TSHZ2: variants seen among roughly 807,000 people sequenced by gnomAD.
The protein encoded by TSHZ2 is teashirt zinc finger homeobox 2.
TSHZ2 carries 21 observed loss-of-function variants against 74.4 expected under a neutral mutation model. The observed-to-expected ratio is 0.28, with a 90% CI of 0.20 to 0.41. The LOEUF (loss-of-function observed/expected upper bound fraction) is 0.41, where lower values mean the gene tolerates loss of function less well. TSHZ2 is among the 10% of genes least tolerant of loss of function. The pLI is 1.00. For synonymous variants in TSHZ2, 540 were observed against 515.3 expected (o/e 1.05, Z -0.65); for missense variants, 1,244 against 1,293.5 (o/e 0.96, Z 0.59).
chr20:53,123,993 A>G (rs532071920), intron 1 of TSHZ2, among the ~76,000 whole-genome samples: 2 of 152,272 alleles, frequency 1.3e-5, no homozygotes, highest in South Asian at 4.2e-4. Flanking sequence ...TTGATAGAGA[A>G]AGCAAACTTC....
At chr20:53,273,795 AG>A (rs1327773564) in intron 2 of TSHZ2, among the ~76,000 whole-genome samples, 1 of 152,118 alleles carries the variant, frequency 6.6e-6, no homozygotes, top group African/African-American at 2.4e-5. Context: ...TTGCCTAGGG[AG>A]GAGAAGGGAC....
intron 1 of TSHZ2, among the ~76,000 whole-genome samples, chr20:53,045,524 C>T (rs756035201): frequency 5.9e-5 from 9 of 152,316 alleles, no homozygotes; most frequent in Non-Finnish European, 8.8e-5. Context: ...TCCGTTTAGA[C>T]GAGACATTTC....
intron 2 of TSHZ2, among the ~76,000 whole-genome samples, chr20:53,466,812 T>TTTATC (rs532126852): frequency 4.5e-4 from 68 of 152,354 alleles, no homozygotes; most frequent in South Asian, 3.7e-3. Flanking sequence ...ACCCTTTTAA[T>TTTATC]TTATCTTTTG....
chr20:53,362,319 G>A (rs1429418711), intron 2 of TSHZ2, among the ~76,000 whole-genome samples: 1 of 152,028 alleles, frequency 6.6e-6, no homozygotes, highest in African/African-American at 2.4e-5. Flanking sequence ...AGAGTAGCTG[G>A]GACTACAGAC....
intron 1 of TSHZ2, 41 bp downstream of exon 1, chr20:52,973,374 G>A: frequency 6.5e-7 from 1 of 1,548,458 alleles, no homozygotes; most frequent in Non-Finnish European, 8.7e-7. Flanking sequence ...CCTGTGCGCC[G>A]AGCTCCTCGC....
intron 1 of TSHZ2, among the ~76,000 whole-genome samples, chr20:53,076,276 G>A (rs1985361537): frequency 6.6e-6 from 1 of 152,222 alleles, no homozygotes; most frequent in African/African-American, 2.4e-5. Flanking sequence ...ATGGAGACAG[G>A]AAGGAAGGGT....
At chr20:52,987,025 G>T (rs955778070) in intron 1 of TSHZ2, among the ~76,000 whole-genome samples, 1 of 152,158 alleles carries the variant, frequency 6.6e-6, no homozygotes, top group African/African-American at 2.4e-5. Context: ...AGGTGCAGAA[G>T]AAGCTGTGAG....
intron 1 of TSHZ2, among the ~76,000 whole-genome samples, chr20:53,115,470 T>A (rs908865185): frequency 1.3e-5 from 2 of 152,188 alleles, no homozygotes; most frequent in African/African-American, 4.8e-5. Context: ...TGCCTTTGCT[T>A]CTCCTTTGCC....
intron 1 of TSHZ2, among the ~76,000 whole-genome samples, chr20:52,990,441 G>A (rs1981937759): frequency 7.3e-6 from 1 of 136,848 alleles, no homozygotes; most frequent in Non-Finnish European, 1.6e-5. Context: ...AGAAAACTGA[G>A]TAGCTGCCTT....
chr20:53,041,514 C>T (rs147186152), intron 1 of TSHZ2, among the ~76,000 whole-genome samples: 4 of 152,310 alleles, frequency 2.6e-5, no homozygotes, highest in Admixed American at 6.5e-5. Flanking sequence ...GGAGTCAGCC[C>T]ATGTGACCCT....
At chr20:53,096,219 G>A (rs1178268605) in intron 1 of TSHZ2, among the ~76,000 whole-genome samples, 1 of 152,190 alleles carries the variant, frequency 6.6e-6, no homozygotes, top group African/African-American at 2.4e-5. Context: ...TCGGCTCACT[G>A]CAACCTCTGC....
intron 1 of TSHZ2, among the ~76,000 whole-genome samples, chr20:53,055,470 GT>G (rs769116166): frequency 1.5e-3 from 227 of 152,354 alleles, no homozygotes; most frequent in Non-Finnish European, 2.5e-3. Flanking sequence ...AAAAAGTGGT[GT>G]GGGATTTTAT....
rs1982335141 is a variant in TSHZ2, at chr20:53,393,502, G to A, written c.*9-93642G>A. 3.9e-5 allele frequency among the ~76,000 whole-genome samples: 6 copies of A among 152,182 alleles called. No individual in the cohort carries two copies. In the South Asian group the frequency reaches 1.2e-3, roughly 32 times the overall value. On this transcript the variant is annotated intron_variant, in intron 2 of 2. Transcript: ENST00000371497. ...TGATGGGAAGATTAAATGAAGTAAT[G>A]CACATAAAACAGCCAGCAGAGTGTT...
At chr20:53,149,560 A>C (rs1008696516) in intron 1 of TSHZ2, among the ~76,000 whole-genome samples, 2 of 152,214 alleles carry the variant, frequency 1.3e-5, no homozygotes, top group Non-Finnish European at 2.9e-5. Context: ...TAGTGTGTGC[A>C]TGCTAAATAA....
chr20:53,150,937 CCTGCTGCTTGG>C (rs892889861), intron 1 of TSHZ2, among the ~76,000 whole-genome samples: 1 of 152,158 alleles, frequency 6.6e-6, no homozygotes, highest in Non-Finnish European at 1.5e-5. Context: ...TTCCACAAAG[CCTGCTGCTTGG>C]AGAGACAAAT....
chr20:53,226,894 C>T (rs745426762), intron 1 of TSHZ2, among the ~76,000 whole-genome samples: 25 of 152,098 alleles, frequency 1.6e-4, no homozygotes, highest in Non-Finnish European at 3.5e-4. Context: ...GAAAAGTCCT[C>T]CTTATGTGAA....
intron 2 of TSHZ2, among the ~76,000 whole-genome samples, chr20:53,285,352 G>A (rs1317332591): frequency 6.6e-6 from 1 of 152,108 alleles, no homozygotes; most frequent in Non-Finnish European, 1.5e-5. Flanking sequence ...ATAAAATTTA[G>A]ATATTCTTGA....
At chr20:53,100,999 G>T (rs1281485263) in intron 1 of TSHZ2, among the ~76,000 whole-genome samples, 2 of 152,038 alleles carry the variant, frequency 1.3e-5, no homozygotes, top group African/African-American at 2.4e-5. Context: ...AGGGGTAGGG[G>T]TGGGAGAAAA....
chr20:53,278,166 C>T (rs748163418), intron 2 of TSHZ2, among the ~76,000 whole-genome samples: 1 of 152,166 alleles, frequency 6.6e-6, no homozygotes, highest in Non-Finnish European at 1.5e-5. Context: ...GCTTAAACAT[C>T]GTCTTCTTTA....
Sources: gnomAD v4.1 joint callset for allele counts (sites outside exome capture counted in the v4.1 genomes callset) on GRCh38, gnomAD v4.1.1 for gene constraint, MANE v1.5 for transcripts, NCBI Gene and HGNC (gene_info 2026-07-23, HGNC 2026-07-21) for gene names.